GRM8: variants seen among roughly 807,000 people sequenced by gnomAD.
GRM8 encodes the protein metabotropic glutamate receptor 8.
A neutral mutation model predicts 87.2 loss-of-function variants in GRM8; 47 were observed. The observed-to-expected ratio is 0.54, with a 90% CI of 0.43 to 0.69. The LOEUF (loss-of-function observed/expected upper bound fraction) is 0.69, where lower values mean the gene tolerates loss of function less well. GRM8 is among the 30% of genes least tolerant of loss of function. The pLI is 0.00. For synonymous variants in GRM8, 396 were observed against 404.5 expected (o/e 0.98, Z 0.25); for missense variants, 1,019 against 1,139.2 (o/e 0.89, Z 1.52).
At chr7:126,792,774 C>A (rs976241857) in intron 6 of GRM8, among the ~76,000 whole-genome samples, 5 of 152,164 alleles carry the variant, frequency 3.3e-5, no homozygotes, top group African/African-American at 1.2e-4. Flanking sequence ...GTTTCTGTGA[C>A]TATGGGAAAC....
At chr7:126,803,594 T>C (rs1401524599) in intron 6 of GRM8, among the ~76,000 whole-genome samples, 1 of 152,240 alleles carries the variant, frequency 6.6e-6, no homozygotes, top group Non-Finnish European at 1.5e-5. Context: ...TCCTCAGAGA[T>C]GATCTTTGCC....
chr7:126,546,069 T>C (rs1397409560), intron 8 of GRM8, among the ~76,000 whole-genome samples: 1 of 152,152 alleles, frequency 6.6e-6, no homozygotes, highest in Non-Finnish European at 1.5e-5. Context: ...TTGGAATGAA[T>C]ATTTTCAGTG....
In GRM8 at chr7:126,717,955, G is replaced by A. The variant is rs370560657; in HGVS notation, c.1357+51910C>T. The stretch of plus-strand genomic sequence containing the variant: ...GTCTTTAATAACTTCGGTGTTGGCC[G>A]GGCGTGGTGGCTCACACCTGTAATC... On this transcript the variant is annotated intron_variant, in intron 7 of 10. Transcript: ENST00000339582. 2.1e-3 allele frequency among the ~76,000 whole-genome samples: 323 copies of A among 152,190 alleles called. 3 individuals are homozygous for A. Among genetic ancestry groups the A allele is most frequent in the Admixed American group, 0.016 (243 of 15,282 alleles).
intron 7 of GRM8, among the ~76,000 whole-genome samples, chr7:126,676,485 C>A (rs1170527058): frequency 6.6e-6 from 1 of 152,066 alleles, no homozygotes; most frequent in Non-Finnish European, 1.5e-5. Flanking sequence ...TACTACAAGG[C>A]TATAGTAACC....
intron 3 of GRM8, among the ~76,000 whole-genome samples, chr7:127,094,755 G>A (rs747237969): frequency 5.5e-4 from 84 of 152,214 alleles, no homozygotes; most frequent in Non-Finnish European, 1.8e-4. Context: ...GGCAATAGGA[G>A]TTAGGTAGCA....
At chr7:126,964,042 C>T (rs753603071) in intron 3 of GRM8, among the ~76,000 whole-genome samples, 70 of 152,022 alleles carry the variant, frequency 4.6e-4, no homozygotes, top group Non-Finnish European at 7.4e-4. Flanking sequence ...CTTTGACAAA[C>T]GTGACAAAAA....
At chr7:126,610,443 C>G (rs1183859198) in intron 7 of GRM8, among the ~76,000 whole-genome samples, 1 of 152,120 alleles carries the variant, frequency 6.6e-6, no homozygotes, top group Non-Finnish European at 1.5e-5. Context: ...CCTCTGCAGG[C>G]CTTTTATCTG....
intron 7 of GRM8, among the ~76,000 whole-genome samples, chr7:126,742,103 G>A (rs537934365): frequency 6.6e-6 from 1 of 151,800 alleles, no homozygotes; most frequent in South Asian, 2.1e-4. Context: ...TGCAAACCCT[G>A]TATTTTCCAT....
intron 9 of GRM8, among the ~76,000 whole-genome samples, chr7:126,474,251 T>TGC (rs2053990852): frequency 8.4e-6 from 1 of 118,596 alleles, no homozygotes; most frequent in Non-Finnish European, 1.7e-5. Context: ...TGTTTGTGCA[T>TGC]GTGTGTGTGT....
At chr7:127,209,193 C>T (rs549203928) in intron 2 of GRM8, among the ~76,000 whole-genome samples, 1 of 152,276 alleles carries the variant, frequency 6.6e-6, no homozygotes, top group East Asian at 1.9e-4. Flanking sequence ...TTAGTTTGCA[C>T]TCCGAAATTG....
At chr7:126,898,774 T>A (rs1030973587) in intron 6 of GRM8, among the ~76,000 whole-genome samples, 1 of 152,190 alleles carries the variant, frequency 6.6e-6, no homozygotes, top group Non-Finnish European at 1.5e-5. Flanking sequence ...ATGATTTTTT[T>A]ATTGTACTTT....
chr7:127,203,768 CA>C (rs967481626), intron 2 of GRM8, among the ~76,000 whole-genome samples: 11 of 142,626 alleles, frequency 7.7e-5, no homozygotes, highest in Admixed American at 3.6e-4. Context: ...GTTGAAACCT[CA>C]AAAAAAAGGG....
chr7:126,594,315 A>G (rs997088303), intron 8 of GRM8, among the ~76,000 whole-genome samples: 2 of 152,096 alleles, frequency 1.3e-5, no homozygotes, highest in South Asian at 2.1e-4. Context: ...TATTCATGAT[A>G]GTCAAGATGT....
chr7:126,496,855 AT>A (rs71641206), intron 9 of GRM8, among the ~76,000 whole-genome samples: 6,353 of 151,636 alleles, frequency 0.042, 415 homozygotes, highest in African/African-American at 0.14. Flanking sequence ...TTTAGACATT[AT>A]TTTCCTAATC....
chr7:126,549,085 A>G (rs1166220273), intron 8 of GRM8, among the ~76,000 whole-genome samples: 1 of 152,160 alleles, frequency 6.6e-6, no homozygotes, highest in Non-Finnish European at 1.5e-5. Context: ...TGTAGAAACC[A>G]CATAAAGCTT....
intron 3 of GRM8, among the ~76,000 whole-genome samples, chr7:127,057,621 C>T (rs1045170463): frequency 1.3e-5 from 2 of 151,996 alleles, no homozygotes; most frequent in Admixed American, 6.5e-5. Flanking sequence ...AATCTGAGTG[C>T]AAGATTATTG....
intron 3 of GRM8, among the ~76,000 whole-genome samples, chr7:126,999,813 T>C (rs896505578): frequency 6.6e-6 from 1 of 151,884 alleles, no homozygotes; most frequent in Non-Finnish European, 1.5e-5. Flanking sequence ...ACAACTGCTA[T>C]GGAGAACAGT....
chr7:127,158,424 T>C lies in GRM8; in HGVS notation c.511-51712A>G, dbSNP rs1246743839. ...TTGTCCAGACATTTGGGTGAAGACA[T>C]GACATTCCATTTGTCTTCAATCATT... On this transcript the variant is annotated intron_variant, in intron 2 of 10. Transcript: ENST00000339582. 2.0e-5 allele frequency among the ~76,000 whole-genome samples: 3 copies of C among 152,234 alleles called. No individual in the cohort carries two copies. The East Asian group carries it at 5.8e-4, about 29-fold the overall frequency.
intron 3 of GRM8, among the ~76,000 whole-genome samples, chr7:126,961,139 C>T (rs547091522): frequency 6.6e-6 from 1 of 152,224 alleles, no homozygotes; most frequent in East Asian, 1.9e-4. Flanking sequence ...CTAAGTCTTA[C>T]TTTAAATGAA....
Sources: gnomAD v4.1 joint callset for allele counts (sites outside exome capture counted in the v4.1 genomes callset) on GRCh38, gnomAD v4.1.1 for gene constraint, MANE v1.5 for transcripts, NCBI Gene and HGNC (gene_info 2026-07-23, HGNC 2026-07-21) for gene names.